SPICE1: variants seen among roughly 807,000 people sequenced by gnomAD.
SPICE1 encodes the protein spindle and centriole associated protein 1, also known as spindle and centriole-associated protein 1.
A neutral mutation model predicts 102.7 loss-of-function variants in SPICE1; 75 were observed. The observed-to-expected ratio is 0.73, with a 90% CI of 0.61 to 0.88. SPICE1 has a LOEUF of 0.88. SPICE1 is among the 40% of genes least tolerant of loss of function. The pLI, the probability that SPICE1 is intolerant of heterozygous loss-of-function variation, is 0.00. For synonymous variants in SPICE1, 308 were observed against 350.3 expected (o/e 0.88, Z 1.35); for missense variants, 979 against 1,020.1 (o/e 0.96, Z 0.55).
chr3:113,506,927 A>G (rs758389709), intron 1 of SPICE1, among the ~76,000 whole-genome samples: 3 of 152,224 alleles, frequency 2.0e-5, no homozygotes, highest in Non-Finnish European at 4.4e-5. Context: ...CAGTTACACA[A>G]ATTTACAATT....
Position 113,453,834 on chromosome 3 carries a change from T to C in SPICE1, c.1774A>G (p.Asn592Asp). The change falls in exon 14 of 18, where the codon AAT becomes GAT. Residue 592 changes from asparagine (N) to aspartate (D), a missense_variant. Transcript: ENST00000295872. ...AAGAGACGATTCTCTTCACTTGAAT[T>C]CTGAATGTCTGTATCAATAGGTAAG... ...KTLPIDTDIQNSSEENRLFTQ... is the reference protein window; with the variant it reads ...KTLPIDTDIQDSSEENRLFTQ... The C allele has an allele frequency of 6.2e-7, 1 of 1,614,194 alleles. No homozygotes were observed. The highest frequency in any genetic ancestry group is 8.5e-7 in the Non-Finnish European group (1 of 1,180,022).
In SPICE1 at chr3:113,457,238, T is replaced by C. The variant is rs376686123; in HGVS notation, c.1555A>G (p.Met519Val). 4 of 1,614,068 alleles carry C rather than the reference T, an allele frequency of 2.5e-6. No individual in the cohort carries two copies. In the African/African-American group the frequency reaches 5.3e-5, roughly 22 times the overall value. Residue 519 changes from methionine (M) to valine (V), a missense_variant, in exon 13 of 18, where the codon ATG becomes GTG. Met to Val is a conservative substitution (Grantham distance 21, BLOSUM62 1). Transcript: ENST00000295872. ...LSQVPDPPDN[M>V]NLAKNFPAHI... ...GCTGGAAAATTCTTGGCCAGATTCA[T>C]GTTATCTGGAGGGTCTGGCACCTGA...
chr3:113,478,428 A>C (rs1936413892), intron 7 of SPICE1, among the ~76,000 whole-genome samples: 1 of 152,178 alleles, frequency 6.6e-6, no homozygotes, highest in African/African-American at 2.4e-5. Context: ...TAGAGGTTTC[A>C]TTCCTGATAT....
intron 3 of SPICE1, among the ~76,000 whole-genome samples, chr3:113,500,658 A>G (rs114969114): frequency 0.025 from 3,754 of 152,308 alleles, 61 homozygotes; most frequent in East Asian, 0.048. Flanking sequence ...CAAATTTTTA[A>G]TAACTATCCT....
intron 2 of SPICE1, among the ~76,000 whole-genome samples, chr3:113,504,929 T>C (rs764528543): frequency 1.6e-4 from 25 of 152,278 alleles, no homozygotes; most frequent in Non-Finnish European, 3.1e-4. Context: ...AAACAAAAGA[T>C]TTTTCCAGCA....
intron 8 of SPICE1, 48 bp from the exon 9 acceptor site, chr3:113,468,947 TAAGA>T: frequency 6.3e-7 from 1 of 1,581,560 alleles, no homozygotes; most frequent in Non-Finnish European, 8.6e-7. Flanking sequence ...ACAAACTTCT[TAAGA>T]AAGTATTTCA....
At position 113,453,541 on chromosome 3, in the gene SPICE1, A is replaced by G; in HGVS notation, c.2067T>C (p.Ile689=). 6.2e-7 allele frequency: 1 copy of G among 1,614,176 alleles called. No homozygotes were observed. Among genetic ancestry groups the G allele is most frequent in the Non-Finnish European group, 8.5e-7 (1 of 1,180,038 alleles). Residue 689 remains isoleucine (I), a synonymous_variant, in exon 14 of 18, where the codon ATT becomes ATC. Coordinates refer to ENST00000295872, the MANE Select transcript of SPICE1 (RefSeq NM_144718.4). ...CCCCTTGCTCTCCTCTGGGCTCAAT[A>G]ATATTATTCATATGTGCCTTGATAG... is the stretch of plus-strand genomic sequence containing the variant. ...NSAIKAHMNN[I]IEPRGEQGDG...
chr3:113,485,111 G>C (rs1349847368), intron 7 of SPICE1, among the ~76,000 whole-genome samples: 1 of 151,836 alleles, frequency 6.6e-6, no homozygotes, highest in African/African-American at 2.4e-5. Flanking sequence ...CAGGGTCCTG[G>C]GTTTCAAGCA....
At chr3:113,481,779 C>G (rs7635676) in intron 7 of SPICE1, among the ~76,000 whole-genome samples, 48,384 of 151,948 alleles carry the variant, frequency 0.32, 9,062 homozygotes, top group African/African-American at 0.53. Flanking sequence ...GTATTCCATG[C>G]TATATATGTG....
chr3:113,489,830 AG>A (rs1936726774), intron 6 of SPICE1, among the ~76,000 whole-genome samples: 1 of 144,986 alleles, frequency 6.9e-6, no homozygotes, highest in Non-Finnish European at 1.5e-5. Context: ...CCTGGGCAAC[AG>A]AGCAAGACCC....
At chr3:113,483,051 T>C (rs1370948276) in intron 7 of SPICE1, among the ~76,000 whole-genome samples, 1 of 152,248 alleles carries the variant, frequency 6.6e-6, no homozygotes, top group African/African-American at 2.4e-5. Flanking sequence ...GGAATGTTTT[T>C]CCATTTGTTT....
rs191680208 is a variant in SPICE1 at position 113,466,937 on chromosome 3, T to A, written c.1156-1153A>T. On this transcript the variant is annotated intron_variant, in intron 10 of 17. Transcript: ENST00000295872. Reference sequence around the variant, plus strand: ...GGTGGCATGCACCTGTGGTCCCAGCTACTTGGGAGGCTGAGGCTGGAAAAC... The same window carrying A: ...GGTGGCATGCACCTGTGGTCCCAGCAACTTGGGAGGCTGAGGCTGGAAAAC... 2.3e-3 allele frequency among the ~76,000 whole-genome samples: 346 copies of A among 151,276 alleles called. 1 individual carries two copies. Among genetic ancestry groups the A allele is most frequent in the African/African-American group, 8.0e-3 (329 of 40,890 alleles).
At chr3:113,495,243 A>C (rs1361634942) in intron 4 of SPICE1, among the ~76,000 whole-genome samples, 1 of 152,228 alleles carries the variant, frequency 6.6e-6, no homozygotes, top group Non-Finnish European at 1.5e-5. Context: ...AAGTACCTGG[A>C]AACTGCTCAG....
At position 113,450,525 on chromosome 3, in the gene SPICE1, GAA is replaced by G. The variant is rs397874895; in HGVS notation, c.2143-11_2143-10del. The G allele has an allele frequency of 7.6e-4, 923 of 1,211,044 alleles. No homozygotes were observed. The highest frequency in any genetic ancestry group is 2.4e-3 in the South Asian group (146 of 62,040). 75.0% of individuals were successfully genotyped at this position (1,211,044 alleles called of 1,614,324 possible). ...TGTGCTACTGGAAAAGTCTTTGGGA[GAA>G]AAAAAAAAAAAGTACAAATTGAATA... On this transcript the variant is annotated splice_polypyrimidine_tract_variant and intron_variant, in intron 14 of 17. Coordinates refer to ENST00000295872, the MANE Select transcript of SPICE1 (RefSeq NM_144718.4).
Position 113,473,703 on chromosome 3 carries a change from G to A in SPICE1, c.612-4465C>T, listed in dbSNP as rs867842054. On this transcript the variant is annotated intron_variant, in intron 7 of 17. Coordinates refer to ENST00000295872, the MANE Select transcript of SPICE1 (RefSeq NM_144718.4). ...GCCAAACTAAGCTTCATAAGTGAAG[G>A]AGAAATAAAATACTTTACAGACAAG... 7.8e-3 allele frequency among the ~76,000 whole-genome samples: 1,180 copies of A among 151,430 alleles called. 12 individuals are homozygous for A. Among genetic ancestry groups the A allele is most frequent in the African/African-American group, 0.027 (1,105 of 41,158 alleles).
At chr3:113,459,847 A>G in intron 12 of SPICE1, 1 of 977,236 alleles carries the variant, frequency 1.0e-6, no homozygotes, top group Non-Finnish European at 1.2e-6. Flanking sequence ...GCGCCACTAC[A>G]CTCCAGCCTG....
intron 7 of SPICE1, among the ~76,000 whole-genome samples, chr3:113,477,556 A>C (rs547256824): frequency 9.1e-4 from 139 of 152,008 alleles, no homozygotes; most frequent in Admixed American, 1.6e-3. Flanking sequence ...ACAACGATAG[A>C]CTGGATTAAG....
chr3:113,456,784 A>G (rs1008075409), intron 13 of SPICE1, among the ~76,000 whole-genome samples: 9 of 152,148 alleles, frequency 5.9e-5, no homozygotes, highest in Non-Finnish European at 1.2e-4. Context: ...TCTAACTTTC[A>G]TTACTCTTTG....
At chr3:113,485,917 T>A (rs1187708351) in intron 7 of SPICE1, among the ~76,000 whole-genome samples, 1 of 152,004 alleles carries the variant, frequency 6.6e-6, no homozygotes, top group Admixed American at 6.6e-5. Flanking sequence ...CATGTCCCGC[T>A]TTTAAGTGGG....
Sources: gnomAD v4.1 joint callset for allele counts (sites outside exome capture counted in the v4.1 genomes callset) on GRCh38, gnomAD v4.1.1 for gene constraint, MANE v1.5 for transcripts, NCBI Gene and HGNC (gene_info 2026-07-23, HGNC 2026-07-21) for gene names.